C10orf67: variants seen among roughly 807,000 people sequenced by gnomAD.
The protein encoded by C10orf67 is chromosome 10 open reading frame 67, also known as uncharacterized protein C10orf67, mitochondrial.
In C10orf67, 60 loss-of-function variants were observed where a neutral mutation model predicts 35.6. The observed-to-expected ratio is 1.68, with a 90% CI of 1.37 to 2.09. C10orf67 has a LOEUF of 2.09. Ranked by LOEUF, C10orf67 falls within the 30% of genes most tolerant of loss-of-function variation. The probability of loss-of-function intolerance (pLI) is 0.00; values close to 1 mark genes in which losing one functional copy is unlikely to be tolerated. For synonymous variants in C10orf67, 167 were observed against 115.8 expected, an observed-to-expected ratio of 1.44 and a Z score of -2.84; for missense variants, 474 against 330.2, an observed-to-expected ratio of 1.44 and a Z score of -3.38.
intron 2 of C10orf67, 52 bp downstream of exon 2, chr10:23,333,010 G>A: frequency 1.9e-6 from 3 of 1,562,284 alleles, no homozygotes; most frequent in Non-Finnish European, 2.6e-6. Flanking sequence ...AAACATGAAG[G>A]CAATTAACGC....
intron 13 of C10orf67, among the ~76,000 whole-genome samples, chr10:23,225,467 A>G (rs1437043282): frequency 6.6e-6 from 1 of 152,212 alleles, no homozygotes; most frequent in Non-Finnish European, 1.5e-5. Flanking sequence ...TCAACCAACG[A>G]GCAAAATAAC....
chr10:23,256,668 G>T lies in C10orf67; in HGVS notation c.1201-5977C>A, dbSNP rs565369880. On this transcript the variant is annotated intron_variant, in intron 10 of 15. Coordinates refer to ENST00000636213, the MANE Select transcript of C10orf67 (RefSeq NM_001371909.1). ...GGGACACATGTTAAAAGTGGAGCTT[G>T]CACTCACTCACAAGTTTTTTTTTTT... Among the ~76,000 whole-genome samples the T allele has an allele frequency of 3.3e-5, 5 of 151,898 alleles. No homozygotes were observed. In the South Asian group the frequency reaches 1.0e-3, roughly 32 times the overall value.
In C10orf67 at chr10:23,236,253, G is replaced by GAAAAAAAAA. The variant is rs368833212; in HGVS notation, c.1434+3467_1434+3475dup. Among the ~76,000 whole-genome samples the GAAAAAAAAA allele has an allele frequency of 2.9e-3, 223 of 75,772 alleles. 9 individuals carry two copies. The highest frequency in any genetic ancestry group is 0.013 in the African/African-American group (214 of 16,666). 49.7% of individuals were successfully genotyped at this position (75,772 alleles called of 152,430 possible). A position where few individuals can be genotyped will look rare whatever the true frequency, so the allele number is the denominator to read the frequency against. On this transcript the variant is annotated intron_variant, in intron 13 of 15. Coordinates refer to ENST00000636213, the MANE Select transcript of C10orf67 (RefSeq NM_001371909.1). ...GACAGAGCGAGACTCCCTCTCGGGG[G>GAAAAAAAAA]AAAAAAAAAAAAAAAAAAAAAAAAA...
At chr10:23,337,414 G>A (rs1268445327) in intron 1 of C10orf67, among the ~76,000 whole-genome samples, 2 of 152,054 alleles carry the variant, frequency 1.3e-5, no homozygotes, top group African/African-American at 2.4e-5. Context: ...AACACCTGTA[G>A]TCCCAGGTAC....
At chr10:23,296,746 G>T (rs1273255702) in intron 5 of C10orf67, among the ~76,000 whole-genome samples, 1 of 150,634 alleles carries the variant, frequency 6.6e-6, no homozygotes, top group Non-Finnish European at 1.5e-5. Flanking sequence ...GGCACCATTT[G>T]AAGAATGATT....
In C10orf67 at chr10:23,305,237, A is replaced by T. The variant is rs78507626; in HGVS notation, c.547-1778T>A. On this transcript the variant is annotated intron_variant, in intron 4 of 15. Coordinates refer to ENST00000636213, the MANE Select transcript of C10orf67 (RefSeq NM_001371909.1). ...GATCTGCAAATCATTTGATAAGTAA[A>T]TCAAAATAATTATCTTTAAGAAGCT... Among the ~76,000 whole-genome samples the T allele has an allele frequency of 3.2e-3, 489 of 152,364 alleles. 14 individuals are homozygous for T. The East Asian group carries it at 0.05, about 15-fold the overall frequency.
intron 12 of C10orf67, among the ~76,000 whole-genome samples, chr10:23,242,792 G>T (rs1431745196): frequency 6.6e-6 from 1 of 151,900 alleles, no homozygotes; most frequent in African/African-American, 2.4e-5. Flanking sequence ...AATAAAAAAG[G>T]TTCATTGGTT....
intron 12 of C10orf67, among the ~76,000 whole-genome samples, chr10:23,244,468 T>G (rs535245496): frequency 2.6e-5 from 4 of 152,174 alleles, no homozygotes; most frequent in African/African-American, 9.6e-5. Context: ...AGTCAATTAC[T>G]CTATCAAAAA....
chr10:23,237,085 C>A (rs1379411862), intron 13 of C10orf67, among the ~76,000 whole-genome samples: 3 of 152,020 alleles, frequency 2.0e-5, no homozygotes, highest in African/African-American at 7.3e-5. Flanking sequence ...TCCTTTGTGT[C>A]CATGTGTACT....
chr10:23,298,321 T>G (rs536099431), intron 5 of C10orf67, among the ~76,000 whole-genome samples: 2 of 152,176 alleles, frequency 1.3e-5, no homozygotes, highest in Non-Finnish European at 2.9e-5. Flanking sequence ...TCAATTTCCT[T>G]ACTCAGGTAT....
chr10:23,318,129 A>C (rs1451082141), intron 4 of C10orf67: 1 of 114,406 alleles, frequency 8.7e-6, no homozygotes, highest in South Asian at 3.0e-4. Context: ...AAAAAGACCC[A>C]AAAATAAAAA....
chr10:23,319,471 C>T (rs1195983789), intron 4 of C10orf67, among the ~76,000 whole-genome samples: 1 of 152,164 alleles, frequency 6.6e-6, no homozygotes, highest in African/African-American at 2.4e-5. Flanking sequence ...TGAACACACA[C>T]ATGCAGGTGT....
In C10orf67 at chr10:23,322,600, G is replaced by A; in HGVS notation, c.328-63C>T. On this transcript the variant is annotated intron_variant, in intron 2 of 15. Coordinates refer to ENST00000636213, the MANE Select transcript of C10orf67 (RefSeq NM_001371909.1). Reference sequence around the variant, plus strand: ...AGGAACAGAAAACCAAATACTGCATGTTGTCACTTGCTAAGTGGGAGCAAA... The same window carrying A: ...AGGAACAGAAAACCAAATACTGCATATTGTCACTTGCTAAGTGGGAGCAAA... The A allele has an allele frequency of 2.7e-6, 3 of 1,108,788 alleles. No homozygotes were observed. In the South Asian group the frequency reaches 4.4e-5, roughly 16 times the overall value. 68.7% of individuals were successfully genotyped at this position (1,108,788 alleles called of 1,614,324 possible).
chr10:23,325,541 AAAAAAC>A (rs1246965013), intron 2 of C10orf67, among the ~76,000 whole-genome samples: 2 of 144,706 alleles, frequency 1.4e-5, no homozygotes, highest in Admixed American at 6.9e-5. Context: ...GCAAAAAAAA[AAAAAAC>A]AAAAAACAAA....
chr10:23,272,498 A>G (rs2132214318), intron 8 of C10orf67, among the ~76,000 whole-genome samples: 1 of 152,350 alleles, frequency 6.6e-6, no homozygotes, highest in East Asian at 1.9e-4. Context: ...AATTCATTAT[A>G]TATGATCCAT....
intron 13 of C10orf67, among the ~76,000 whole-genome samples, chr10:23,234,938 G>C (rs1842005811): frequency 6.6e-6 from 1 of 150,466 alleles, no homozygotes; most frequent in Non-Finnish European, 1.5e-5. Flanking sequence ...CTTGAACCCG[G>C]GAGGCGGAGG....
At chr10:23,288,186 A>G (rs975193438) in intron 7 of C10orf67, among the ~76,000 whole-genome samples, 2 of 152,242 alleles carry the variant, frequency 1.3e-5, no homozygotes, top group Non-Finnish European at 2.9e-5. Flanking sequence ...TTACTGCAGC[A>G]TTATTTACAA....
At chr10:23,313,080 C>G (rs972035665) in intron 4 of C10orf67, among the ~76,000 whole-genome samples, 7 of 152,194 alleles carry the variant, frequency 4.6e-5, no homozygotes, top group African/African-American at 1.7e-4. Context: ...CTCCCCATCT[C>G]CCCCAAATAT....
At chr10:23,322,752 T>C (rs1232382572) in intron 2 of C10orf67, among the ~76,000 whole-genome samples, 1 of 152,076 alleles carries the variant, frequency 6.6e-6, no homozygotes, top group Non-Finnish European at 1.5e-5. Flanking sequence ...ATCTGGGTGA[T>C]GAAATCATCT....
Sources: gnomAD v4.1 joint callset for allele counts (sites outside exome capture counted in the v4.1 genomes callset) on GRCh38, gnomAD v4.1.1 for gene constraint, MANE v1.5 for transcripts, NCBI Gene and HGNC (gene_info 2026-07-23, HGNC 2026-07-21) for gene names.